MKLN1: variants seen among roughly 807,000 people sequenced by gnomAD.
The protein encoded by MKLN1 is muskelin.
A neutral mutation model predicts 99.0 loss-of-function variants in MKLN1; 18 were observed. The observed-to-expected ratio is 0.18, with a 90% confidence interval of 0.13 to 0.27. The LOEUF (loss-of-function observed/expected upper bound fraction) is 0.27. Among genes scored for constraint, MKLN1 ranks in the 10% least tolerant of loss-of-function variants. The pLI is 1.00. For synonymous variants in MKLN1, 288 were observed against 293.2 expected (o/e 0.98, Z 0.18); for missense variants, 621 against 875.9 (o/e 0.71, Z 3.67).
At chr7:131,422,050 C>G (rs929324596) in intron 8 of MKLN1, among the ~76,000 whole-genome samples, 1 of 152,100 alleles carries the variant, frequency 6.6e-6, no homozygotes. Flanking sequence ...CAGGAAATTC[C>G]ATGTTAACAA....
chr7:131,148,563 C>G (rs1016339779), intron 2 of MKLN1, among the ~76,000 whole-genome samples: 4 of 151,954 alleles, frequency 2.6e-5, no homozygotes, highest in Non-Finnish European at 5.9e-5. Flanking sequence ...TCACTTGAGC[C>G]CAGGGGTTTG....
At chr7:131,449,755 A>G (rs1306794093) in intron 12 of MKLN1, among the ~76,000 whole-genome samples, 1 of 150,840 alleles carries the variant, frequency 6.6e-6, no homozygotes, top group Non-Finnish European at 1.5e-5. Flanking sequence ...TCTCTCTCCT[A>G]GAGGATTCTA....
rs1053206695 is a variant in MKLN1 at position 131,490,136 on chromosome 7, A to C, written c.*2408A>C. On this transcript the variant is annotated 3_prime_UTR_variant, in exon 18 of 18. Coordinates refer to ENST00000352689, the MANE Select transcript of MKLN1 (RefSeq NM_013255.5). ...AGCTACATGTATTTCCAAGAATTCC[A>C]GCATAGATTATAATTTAAATAATCG... 2 of 152,614 alleles carry C rather than the reference A, an allele frequency of 1.3e-5. No individual in the cohort carries two copies. Among genetic ancestry groups the C allele is most frequent in the African/African-American group, 4.8e-5 (2 of 41,464 alleles). The allele number at this position is 152,614 out of a possible 1,614,324, so 9.5% of individuals were successfully genotyped here. A position where few individuals can be genotyped will look rare whatever the true frequency, so the allele number is the denominator to read the frequency against.
intron 2 of MKLN1, among the ~76,000 whole-genome samples, chr7:131,147,767 C>T (rs1451286105): frequency 6.6e-6 from 1 of 152,132 alleles, no homozygotes; most frequent in Non-Finnish European, 1.5e-5. Flanking sequence ...GTCTGGTTCC[C>T]CAAAGAGCTG....
In MKLN1 at chr7:131,135,370, T is replaced by A. The variant is rs147586052; in HGVS notation, c.-418-7450T>A. ...ACTCCTGACCTCAGGTGATCTGCCCTCCTCCTCCCAAAGTGCTGGGATTAC... is the reference window on the plus strand; with the variant it reads ...ACTCCTGACCTCAGGTGATCTGCCCACCTCCTCCCAAAGTGCTGGGATTAC... On this transcript the variant is annotated intron_variant, in intron 1 of 7. Coordinates refer to the MKLN1 transcript ENST00000416992. 9.4e-4 allele frequency among the ~76,000 whole-genome samples: 143 copies of A among 152,250 alleles called. 1 individual carries two copies. The East Asian group carries it at 0.026, about 28-fold the overall frequency.
chr7:131,227,451 TC>T (rs1797166836), intron 3 of MKLN1, among the ~76,000 whole-genome samples: 1 of 150,590 alleles, frequency 6.6e-6, no homozygotes, highest in Admixed American at 6.6e-5. Context: ...CTCTCTTTTC[TC>T]TTCTTTGTTT....
chr7:131,219,450 C>T (rs1041837127), intron 3 of MKLN1, among the ~76,000 whole-genome samples: 5 of 152,116 alleles, frequency 3.3e-5, no homozygotes, highest in East Asian at 1.9e-4. Context: ...AGAAGAATTT[C>T]GAATATTTGT....
intron 3 of MKLN1, among the ~76,000 whole-genome samples, chr7:131,230,387 A>G (rs1017191858): frequency 6.6e-6 from 1 of 152,142 alleles, no homozygotes; most frequent in African/African-American, 2.4e-5. Context: ...TATTTGATTT[A>G]CAAACTTATT....
At chr7:131,126,037 A>C (rs1355992152) in intron 1 of MKLN1, among the ~76,000 whole-genome samples, 2 of 2,856 alleles carry the variant, frequency 7.0e-4, no homozygotes, top group Non-Finnish European at 0.05. Context: ...TAAATAAATA[A>C]ATAAATAAAT....
At chr7:131,355,907 A>C (rs1799862143) in intron 1 of MKLN1, among the ~76,000 whole-genome samples, 6 of 151,166 alleles carry the variant, frequency 4.0e-5, no homozygotes, top group Admixed American at 4.0e-4. Context: ...TAGTTGTATA[A>C]TTTTTTCATC....
intron 3 of MKLN1, among the ~76,000 whole-genome samples, chr7:131,232,245 T>C (rs1029152683): frequency 1.3e-5 from 2 of 152,200 alleles, no homozygotes; most frequent in African/African-American, 4.8e-5. Context: ...GATACTCTAA[T>C]AGCGAAGTGA....
At chr7:131,143,408 G>A (rs1236097377) in intron 2 of MKLN1, among the ~76,000 whole-genome samples, 2 of 152,176 alleles carry the variant, frequency 1.3e-5, no homozygotes, top group African/African-American at 2.4e-5. Context: ...AGAAGTTGCA[G>A]CGAGCCAAGA....
rs536974380 is a variant in MKLN1, at chr7:131,297,369, A to T, written c.-178-78055A>T. On this transcript the variant is annotated intron_variant, in intron 3 of 7. Transcript: ENST00000416992. Reference sequence around the variant, plus strand: ...AGCGAGACTCCGTCTCAAAAAACAAAATATATATATATATGTGTGTGTGTA... The same window carrying T: ...AGCGAGACTCCGTCTCAAAAAACAATATATATATATATATGTGTGTGTGTA... Among the ~76,000 whole-genome samples the T allele has an allele frequency of 9.3e-5, 14 of 149,734 alleles. No homozygotes were observed. In the South Asian group the frequency reaches 1.1e-3, roughly 11 times the overall value.
At chr7:131,328,198 C>A in intron 1 of MKLN1, 1 of 642,830 alleles carries the variant, frequency 1.6e-6, no homozygotes, top group Non-Finnish European at 2.6e-6. Flanking sequence ...GGAGAGCGAG[C>A]CCAGGGAGAA....
At chr7:131,119,403 GGCT>G (rs1008709483) in intron 1 of MKLN1, among the ~76,000 whole-genome samples, 5 of 152,222 alleles carry the variant, frequency 3.3e-5, no homozygotes, top group African/African-American at 1.2e-4. Context: ...GGTGTTGAAT[GGCT>G]GTGGCTTTTC....
intron 3 of MKLN1, among the ~76,000 whole-genome samples, chr7:131,297,503 GC>G (rs1339584641): frequency 1.3e-5 from 2 of 151,858 alleles, no homozygotes; most frequent in Admixed American, 1.3e-4. Context: ...TTTTGTATCT[GC>G]CCGTTCTGTA....
Position 131,450,487 on chromosome 7 carries a change from C to T in MKLN1, c.1525+4584C>T, listed in dbSNP as rs74982674. 6.6e-3 allele frequency among the ~76,000 whole-genome samples: 1,010 copies of T among 152,266 alleles called. 7 individuals carry two copies. Among genetic ancestry groups the T allele is most frequent in the Non-Finnish European group, 0.011 (751 of 68,026 alleles). On this transcript the variant is annotated intron_variant, in intron 12 of 17. Coordinates refer to ENST00000352689, the MANE Select transcript of MKLN1 (RefSeq NM_013255.5). ...CTTTAAATCTTTTAATGGTTTCTCC[C>T]TGCCCTCAGGATTAAGTCTAAACTT...
At chr7:131,399,196 TC>T in intron 5 of MKLN1, 44 bp from the exon 6 acceptor site, 1 of 1,525,172 alleles carries the variant, frequency 6.6e-7, no homozygotes, top group Non-Finnish European at 9.1e-7. Flanking sequence ...TACAGTATCA[TC>T]TAACCAAATC....
intron 10 of MKLN1, among the ~76,000 whole-genome samples, chr7:131,443,162 A>G (rs35267075): frequency 1.3e-5 from 2 of 152,326 alleles, no homozygotes; most frequent in Non-Finnish European, 2.9e-5. Flanking sequence ...TATGATCACT[A>G]TTCACCCAGA....
Sources: allele counts gnomAD v4.1 joint callset (sites outside exome capture counted in the v4.1 genomes callset), GRCh38; gene constraint gnomAD v4.1.1; transcripts MANE v1.5; gene names NCBI Gene and HGNC (gene_info 2026-07-23, HGNC 2026-07-21).